MTCL3: variants seen among roughly 807,000 people sequenced by gnomAD.
MTCL3 encodes microtubule cross-linking factor 3.
At chr6:127,484,503 C>T in the MTCL3 span, among the ~76,000 whole-genome samples, 1 of 152,116 alleles carries the variant, frequency 6.6e-6, no homozygotes, top group South Asian at 2.1e-4. Context: ...AACTAAGAAA[C>T]CTGGAACATT....
the MTCL3 span, among the ~76,000 whole-genome samples, chr6:127,512,343 G>A: frequency 6.6e-6 from 1 of 152,098 alleles, no homozygotes; most frequent in Non-Finnish European, 1.5e-5. Context: ...GCTATGATAT[G>A]ATACAATTGG....
the MTCL3 span, among the ~76,000 whole-genome samples, chr6:127,508,549 C>T: frequency 6.6e-6 from 1 of 152,112 alleles, no homozygotes; most frequent in Non-Finnish European, 1.5e-5. Context: ...AGTTAAGAAC[C>T]CTCTGGAGCA....
the MTCL3 span, among the ~76,000 whole-genome samples, chr6:127,496,345 A>G: frequency 6.6e-6 from 1 of 152,226 alleles, no homozygotes; most frequent in Admixed American, 6.5e-5. Context: ...AAACACAGTA[A>G]TATCAAAAAC....
chr6:127,515,730 G>T, the MTCL3 span: 1 of 1,594,712 alleles, frequency 6.3e-7, no homozygotes, highest in African/African-American at 1.3e-5. The surrounding 1 kb of genome is among the most constrained non-coding windows in gnomAD (Gnocchi z 4.3). Flanking sequence ...CGGCAGGGGG[G>T]CCAGACACCG....
At chr6:127,507,869 A>G in the MTCL3 span, among the ~76,000 whole-genome samples, 3 of 139,796 alleles carry the variant, frequency 2.1e-5, no homozygotes, top group African/African-American at 5.6e-5. Flanking sequence ...AAAAAAAAAA[A>G]AGAAAAAAAA....
At chr6:127,508,708 C>G in the MTCL3 span, among the ~76,000 whole-genome samples, 42 of 152,286 alleles carry the variant, frequency 2.8e-4, 1 homozygote, top group African/African-American at 9.9e-4. Flanking sequence ...TTTCTTTGCT[C>G]TTCTGTTGGT....
chr6:127,482,319 TC>T, the MTCL3 span, among the ~76,000 whole-genome samples: 5 of 152,242 alleles, frequency 3.3e-5, no homozygotes, highest in African/African-American at 4.8e-5. This position sits in a 1 kb window ranked among gnomAD's most constrained non-coding sequence, Gnocchi z 4.1. Context: ...AAAATCTTCT[TC>T]ATTACAACCA....
the MTCL3 span, among the ~76,000 whole-genome samples, chr6:127,508,453 G>T: frequency 6.6e-6 from 1 of 152,164 alleles, no homozygotes; most frequent in Non-Finnish European, 1.5e-5. Context: ...GTTCTAGAAT[G>T]AAAGTTCATT....
At chr6:127,508,781 T>C in the MTCL3 span, among the ~76,000 whole-genome samples, 116,815 of 152,098 alleles carry the variant, frequency 0.77, 45,337 homozygotes, top group Non-Finnish European at 0.82. Flanking sequence ...AAAAGTGACA[T>C]CAGATGACCC....
chr6:127,510,483 A>C, the MTCL3 span, among the ~76,000 whole-genome samples: 599 of 152,286 alleles, frequency 3.9e-3, 6 homozygotes, highest in African/African-American at 0.014. Flanking sequence ...GAGAGGTCCC[A>C]TTGTTCTGGC....
the MTCL3 span, among the ~76,000 whole-genome samples, chr6:127,505,791 A>G: frequency 6.6e-6 from 1 of 152,190 alleles, no homozygotes; most frequent in South Asian, 2.1e-4. Context: ...GTTTAATGCA[A>G]CGCTTTGCCA....
chr6:127,485,530 A>C, the MTCL3 span, among the ~76,000 whole-genome samples: 9 of 152,208 alleles, frequency 5.9e-5, no homozygotes, highest in African/African-American at 2.2e-4. Context: ...TCATAGAGAT[A>C]TACAAAGACA....
At chr6:127,475,320 G>T in the MTCL3 span, 8 of 1,610,978 alleles carry the variant, frequency 5.0e-6, no homozygotes, top group Non-Finnish European at 6.8e-6. The surrounding 1 kb of genome is among the most constrained non-coding windows in gnomAD (Gnocchi z 7.3). Context: ...GCTCCTCGGC[G>T]CCGCGGTCGT....
At chr6:127,490,855 G>T in the MTCL3 span, among the ~76,000 whole-genome samples, 4 of 152,016 alleles carry the variant, frequency 2.6e-5, no homozygotes, top group Admixed American at 2.6e-4. Context: ...ACACAAAAAA[G>T]AATATTCATG....
the MTCL3 span, among the ~76,000 whole-genome samples, chr6:127,487,299 G>A: frequency 3.3e-5 from 5 of 152,294 alleles, no homozygotes; most frequent in African/African-American, 1.2e-4. Context: ...GTAACAGAGC[G>A]TGACAGCAAG....
At chr6:127,480,309 G>A in the MTCL3 span, among the ~76,000 whole-genome samples, 1 of 152,312 alleles carries the variant, frequency 6.6e-6, no homozygotes, top group Admixed American at 6.5e-5. Context: ...ATGGGCCCAA[G>A]TTCATACAGC....
the MTCL3 span, among the ~76,000 whole-genome samples, chr6:127,497,634 C>G: frequency 6.6e-6 from 1 of 152,050 alleles, no homozygotes; most frequent in African/African-American, 2.4e-5. Flanking sequence ...GAATTGTGCA[C>G]GTCAAGCTGT....
At chr6:127,482,852 T>C in the MTCL3 span, 1 of 1,252,462 alleles carries the variant, frequency 8.0e-7, no homozygotes, top group Non-Finnish European at 1.1e-6. The surrounding 1 kb of genome is among the most constrained non-coding windows in gnomAD (Gnocchi z 4.1). Flanking sequence ...ATAAATGTAG[T>C]TTGTGATTAT....
At chr6:127,489,428 G>A in the MTCL3 span, among the ~76,000 whole-genome samples, 2 of 152,288 alleles carry the variant, frequency 1.3e-5, no homozygotes, top group East Asian at 3.9e-4. Flanking sequence ...TCAAAAGCTA[G>A]AAATAATTAA....
Sources: allele counts gnomAD v4.1 joint callset (sites outside exome capture counted in the v4.1 genomes callset), GRCh38; gene constraint gnomAD v4.1.1; non-coding constraint Gnocchi (gnomAD v3.1); transcripts MANE v1.5; gene names NCBI Gene and HGNC (gene_info 2026-07-23, HGNC 2026-07-21).